PHF7: variants seen among roughly 807,000 people sequenced by gnomAD.
The protein encoded by PHF7 is PHD finger protein 7.
PHF7 carries 24 observed loss-of-function variants against 47.5 expected under a neutral mutation model. That is an observed-to-expected ratio of 0.51 (90% CI 0.37 to 0.71). The LOEUF (loss-of-function observed/expected upper bound fraction) is 0.71, where lower values mean the gene tolerates loss of function less well. PHF7 is among the 30% of genes least tolerant of loss of function. The pLI is 0.00. For synonymous variants in PHF7, 156 were observed against 153.8 expected (o/e 1.01, Z -0.11); for missense variants, 361 against 456.8 (o/e 0.79, Z 1.91).
chr3:52,421,938 A>G, intron 8 of PHF7, 184 bp downstream of exon 8: 2 of 469,514 alleles, frequency 4.3e-6, no homozygotes, highest in Non-Finnish European at 7.8e-6. Flanking sequence ...TTGCGGGGGA[A>G]TGGGGTGCTT....
At chr3:52,416,564 G>A (rs1486054920) in intron 4 of PHF7, among the ~76,000 whole-genome samples, 1 of 151,484 alleles carries the variant, frequency 6.6e-6, no homozygotes, top group Non-Finnish European at 1.5e-5. Flanking sequence ...GTCGGGCACA[G>A]TGGCTCACGC....
chr3:52,422,478 C>A, intron 9 of PHF7, 140 bp downstream of exon 9: 1 of 699,546 alleles, frequency 1.4e-6, no homozygotes, highest in Non-Finnish European at 2.5e-6. Flanking sequence ...TCATTCTTGA[C>A]CAGCCCGACT....
intron 1 of PHF7, 112 bp downstream of exon 1, chr3:52,411,359 TCTC>T (rs1229997630): frequency 2.0e-5 from 3 of 152,276 alleles, no homozygotes; most frequent in Non-Finnish European, 4.4e-5. Context: ...TGCCCTTCTC[TCTC>T]CTCTTCCAGC....
rs772211858 is a variant in PHF7, at chr3:52,423,356, G to A, written c.*39G>A. The A allele has an allele frequency of 1.5e-6, 2 of 1,327,332 alleles. No homozygotes were observed. The highest frequency in any genetic ancestry group is 1.8e-5 in the Admixed American group (1 of 56,898). 82.2% of individuals were successfully genotyped at this position (1,327,332 alleles called of 1,614,324 possible). On this transcript the variant is annotated 3_prime_UTR_variant, in exon 11 of 11. Coordinates refer to ENST00000327906, the MANE Select transcript of PHF7 (RefSeq NM_016483.7). Reference sequence around the variant, plus strand: ...GCTGCTGTCCCACACAATAGGGTATGAAGCTGCGCTCCTCCATCGGGTTTG... The same window carrying A: ...GCTGCTGTCCCACACAATAGGGTATAAAGCTGCGCTCCTCCATCGGGTTTG...
At chr3:52,422,514 C>G in intron 9 of PHF7, 176 bp downstream of exon 9, 1 of 648,400 alleles carries the variant, frequency 1.5e-6, no homozygotes, top group Non-Finnish European at 2.7e-6. Flanking sequence ...GAACACGTCT[C>G]CCCTGCAAGG....
In PHF7 at chr3:52,414,541, G is replaced by A; in HGVS notation, c.140G>A (p.Gly47Glu). The change falls in exon 4 of 11, where the codon GGG (glycine) becomes GAG (glutamate). Residue 47 changes from glycine to glutamate, a missense_variant. Gly to Glu is a moderately conservative substitution (Grantham distance 98, BLOSUM62 -2). Coordinates refer to ENST00000327906, the MANE Select transcript of PHF7 (RefSeq NM_016483.7). ...LREPGDPEKLGEFLQKDNISV... is the reference protein window; with the variant it reads ...LREPGDPEKLEEFLQKDNISV... ...GAACCTGGGGATCCCGAAAAATTAG[G>A]GGAATTTCTTCAGAAAGACAATATC... 2 of 1,613,022 alleles carry A rather than the reference G, an allele frequency of 1.2e-6. No individual in the cohort carries two copies. Among genetic ancestry groups the A allele is most frequent in the Non-Finnish European group, 1.7e-6 (2 of 1,179,436 alleles).
Position 52,420,436 on chromosome 3 carries a change from G to C in PHF7, c.413+1G>C. On this transcript the variant is annotated splice_donor_variant, in intron 6 of 10. Transcript: ENST00000327906. LOFTEE classifies it high-confidence loss of function. ...TTTCACAATTTTTTGGAGAGTACAA[G>C]TGAGTGAGGGAAGGGAAAAGTCTGG... 6.2e-7 allele frequency: 1 copy of C among 1,614,002 alleles called. No homozygotes were observed. The highest frequency in any genetic ancestry group is 1.7e-5 in the Admixed American group (1 of 59,996).
At chr3:52,421,336 CTA>C (rs1705783065) in intron 7 of PHF7, among the ~76,000 whole-genome samples, 1 of 152,214 alleles carries the variant, frequency 6.6e-6, no homozygotes, top group Non-Finnish European at 1.5e-5. Flanking sequence ...TGAGAAGCCT[CTA>C]TGTCAGCCTC....
rs545649385 is a variant in PHF7 at position 52,423,187 on chromosome 3, C to T, written c.1016C>T (p.Pro339Leu). The T allele has an allele frequency of 1.9e-5, 31 of 1,613,692 alleles. No individual in the cohort carries two copies. Among genetic ancestry groups the T allele is most frequent in the Middle Eastern group, 1.6e-4 (1 of 6,084 alleles). The change falls in exon 11 of 11, where the codon CCG (proline) becomes CTG (leucine). Residue 339 changes from proline to leucine, a missense_variant. Transcript: ENST00000327906. Reference sequence around the variant, plus strand: ...AGAGACAACACCTTGGAAGAGAATCCGGGCCTTTCTTGGACTGATTGGCCA... The same window carrying T: ...AGAGACAACACCTTGGAAGAGAATCTGGGCCTTTCTTGGACTGATTGGCCA... ...FCRDNTLEENPGLSWTDWPEP... is the reference protein window; with the variant it reads ...FCRDNTLEENLGLSWTDWPEP...
At chr3:52,420,494 A>T in intron 6 of PHF7, 59 bp downstream of exon 6, 1 of 1,560,698 alleles carries the variant, frequency 6.4e-7, no homozygotes, top group Non-Finnish European at 8.8e-7. Context: ...TCAGCCACTA[A>T]TGAAATCAGA....
intron 1 of PHF7, among the ~76,000 whole-genome samples, chr3:52,411,935 G>GTCAGGCCTGGTGGC (rs1705456171): frequency 6.6e-6 from 1 of 152,214 alleles, no homozygotes; most frequent in African/African-American, 2.4e-5. Flanking sequence ...GATAGGAGAG[G>GTCAGGCCTGGTGGC]TCAGGCCTGG....
At chr3:52,420,035 C>T (rs1705740041) in intron 5 of PHF7, 101 bp downstream of exon 5, 1 of 793,790 alleles carries the variant, frequency 1.3e-6, no homozygotes, top group South Asian at 1.7e-5. Flanking sequence ...GTTTAGATGT[C>T]AAAGGACTCT....
chr3:52,417,387 T>C (rs188294487), intron 4 of PHF7, among the ~76,000 whole-genome samples: 10 of 152,306 alleles, frequency 6.6e-5, no homozygotes, highest in Non-Finnish European at 4.4e-5. Flanking sequence ...TTGGGAAGAA[T>C]TGACAAAAAA....
intron 4 of PHF7, among the ~76,000 whole-genome samples, chr3:52,417,580 A>G (rs1705662610): frequency 1.3e-5 from 2 of 152,102 alleles, no homozygotes; most frequent in South Asian, 4.1e-4. Flanking sequence ...TTTTAAGTTT[A>G]TTGCTGGTAT....
At chr3:52,420,146 G>C (rs1302122252) in intron 5 of PHF7, 165 bp from the exon 6 acceptor site, 14 of 844,860 alleles carry the variant, frequency 1.7e-5, no homozygotes, top group Non-Finnish European at 2.7e-5. Flanking sequence ...AAAGAACTCA[G>C]TGCTGCTTGA....
intron 5 of PHF7, 36 bp from the exon 6 acceptor site, chr3:52,420,275 T>TG (rs1705747323): frequency 6.2e-7 from 1 of 1,610,818 alleles, no homozygotes; most frequent in African/African-American, 1.3e-5. Flanking sequence ...TTGCATTTCT[T>TG]GGGGTCCTGA....
At chr3:52,420,851 G>T in intron 6 of PHF7, 52 bp from the exon 7 acceptor site, 1 of 1,552,776 alleles carries the variant, frequency 6.4e-7, no homozygotes, top group South Asian at 1.2e-5. Context: ...GCGGGCCATT[G>T]GGAAACTACA....
chr3:52,412,327 C>G (rs752923566), intron 1 of PHF7, among the ~76,000 whole-genome samples: 5 of 152,182 alleles, frequency 3.3e-5, no homozygotes, highest in African/African-American at 9.7e-5. Context: ...GAAAAAGCTA[C>G]CTTATCTAGC....
chr3:52,422,933 C>T (rs1705838366), intron 10 of PHF7, 52 bp downstream of exon 10: 2 of 1,609,882 alleles, frequency 1.2e-6, no homozygotes, highest in Non-Finnish European at 8.5e-7. Context: ...GCTGTAGGGA[C>T]TTGTGGTGCC....
Sources: gnomAD v4.1 joint callset for allele counts (sites outside exome capture counted in the v4.1 genomes callset) on GRCh38, gnomAD v4.1.1 for gene constraint, MANE v1.5 for transcripts, NCBI Gene and HGNC (gene_info 2026-07-23, HGNC 2026-07-21) for gene names.